The following ADSS2 variants were observed in gnomAD, a reference collection of about 807,000 sequenced individuals.
The protein encoded by ADSS2 is adenylosuccinate synthetase isozyme 2.
ADSS2 carries 30 observed loss-of-function variants against 60.0 expected under a neutral mutation model. That is an observed-to-expected ratio of 0.50 (90% CI 0.37 to 0.68). ADSS2 has a LOEUF of 0.68. ADSS2 is among the 30% of genes least tolerant of loss of function. The pLI is 0.00. For missense variants in ADSS2, 373 were observed against 554.8 expected (o/e 0.67, Z 3.29); for synonymous variants, 187 against 193.1 (o/e 0.97, Z 0.26).
chr1:244,427,133 T>C (rs1237804131), intron 4 of ADSS2, among the ~76,000 whole-genome samples: 2 of 152,290 alleles, frequency 1.3e-5, no homozygotes, highest in Non-Finnish European at 2.9e-5. Flanking sequence ...AACTGAATTA[T>C]GAGATTCAGT....
chr1:244,410,641 CACA>C (rs1572125978), intron 12 of ADSS2, among the ~76,000 whole-genome samples: 2 of 151,796 alleles, frequency 1.3e-5, no homozygotes, highest in South Asian at 2.1e-4. Context: ...CCCAAAAACA[CACA>C]ACATTTTTTG....
At position 244,451,659 on chromosome 1, in the gene ADSS2, G is replaced by T. The variant is rs1347271453; in HGVS notation, c.159C>A (p.Asp53Glu). 8.7e-6 allele frequency: 14 copies of T among 1,610,954 alleles called. No homozygotes were observed. Among genetic ancestry groups the T allele is most frequent in the Non-Finnish European group, 1.2e-5 (14 of 1,178,492 alleles). The change falls in exon 1 of 13, where the codon GAC becomes GAA. Residue 53 changes from aspartate (D) to glutamate (E), a missense_variant. Physicochemically the swap from Asp to Glu is conservative, Grantham distance 45 (BLOSUM62 2). Around this residue, in one of 5 missense-constraint regions of ADSS2, gnomAD observed 29 missense variants for 73.3 expected, o/e 0.40. Transcript: ENST00000366535. The surrounding 1 kb of genome is among the most constrained non-coding windows in gnomAD (Gnocchi z 6.6). ...KGKVVDLLAQ[D>E]ADIVCRCQGG... Reference sequence around the variant, plus strand: ...CCTGGCAGCGGCACACGATGTCGGCGTCCTGCGCCAGCAGGTCCACCACCT... The same window carrying T: ...CCTGGCAGCGGCACACGATGTCGGCTTCCTGCGCCAGCAGGTCCACCACCT...
At chr1:244,440,652 T>A (rs186258477) in intron 1 of ADSS2, among the ~76,000 whole-genome samples, 2 of 152,334 alleles carry the variant, frequency 1.3e-5, no homozygotes, top group African/African-American at 4.8e-5. Flanking sequence ...GAAGCCTTTC[T>A]CATACCCTTG....
intron 11 of ADSS2, among the ~76,000 whole-genome samples, chr1:244,415,418 C>T (rs1392324739): frequency 6.6e-6 from 1 of 152,160 alleles, no homozygotes; most frequent in Admixed American, 6.6e-5. Flanking sequence ...TAGAGCTAAC[C>T]TTAATTCCTA....
upstream of ADSS2, chr1:244,452,041 A>G: frequency 2.6e-6 from 1 of 390,072 alleles, no homozygotes; most frequent in Non-Finnish European, 4.4e-6. Flanking sequence ...CGGCCTCGGC[A>G]GCACCGCCCG....
chr1:244,436,733 G>T, intron 3 of ADSS2, 92 bp downstream of exon 3: 2 of 1,134,296 alleles, frequency 1.8e-6, no homozygotes, highest in Non-Finnish European at 2.6e-6. Flanking sequence ...AAATTTTAAA[G>T]CATAAGACAA....
chr1:244,431,772 T>A (rs1023676706), intron 4 of ADSS2, among the ~76,000 whole-genome samples: 1 of 152,220 alleles, frequency 6.6e-6, no homozygotes, highest in Admixed American at 6.5e-5. Context: ...GTTATTTTAT[T>A]GGGTTACTAA....
intron 3 of ADSS2, 116 bp downstream of exon 3, chr1:244,436,709 T>G (rs1191953663): frequency 3.7e-6 from 3 of 802,840 alleles, no homozygotes; most frequent in African/African-American, 1.7e-5. Flanking sequence ...TAAAAATTCG[T>G]CTATAATAGC....
At chr1:244,427,049 T>A (rs1489905478) in intron 4 of ADSS2, among the ~76,000 whole-genome samples, 1 of 152,114 alleles carries the variant, frequency 6.6e-6, no homozygotes, top group Non-Finnish European at 1.5e-5. Context: ...CTAATCTGGA[T>A]TTCATATTTA....
chr1:244,441,928 C>A (rs1368295383), intron 1 of ADSS2, among the ~76,000 whole-genome samples: 1 of 152,092 alleles, frequency 6.6e-6, no homozygotes, highest in African/African-American at 2.4e-5. Context: ...TGCACTCCAG[C>A]CTGGGCCACA....
intron 1 of ADSS2, among the ~76,000 whole-genome samples, chr1:244,438,976 A>G (rs1665169401): frequency 6.6e-6 from 1 of 152,124 alleles, no homozygotes; most frequent in South Asian, 2.1e-4. Context: ...GTCAAATACT[A>G]GATGTATTTT....
chr1:244,415,930 C>A, intron 11 of ADSS2, 51 bp downstream of exon 11: 1 of 1,332,378 alleles, frequency 7.5e-7, no homozygotes, highest in Non-Finnish European at 1.1e-6. Flanking sequence ...TGAAACTGCT[C>A]TAATACATTC....
chr1:244,436,432 T>C (rs946562499), intron 3 of ADSS2, among the ~76,000 whole-genome samples: 1 of 152,182 alleles, frequency 6.6e-6, no homozygotes, highest in Non-Finnish European at 1.5e-5. Context: ...TACATCTGTG[T>C]AGCATGGGAA....
At chr1:244,419,009 T>C (rs1455414978) in intron 8 of ADSS2, 95 bp from the exon 9 acceptor site, 31 of 1,176,434 alleles carry the variant, frequency 2.6e-5, no homozygotes, top group South Asian at 3.2e-5. Context: ...GAGTATATTA[T>C]AGGTATCTAA....
chr1:244,438,915 G>C (rs79481431), intron 1 of ADSS2, among the ~76,000 whole-genome samples: 1,662 of 152,082 alleles, frequency 0.011, 35 homozygotes, highest in African/African-American at 0.038. Context: ...TAATTATACT[G>C]AGTTATTTAA....
At chr1:244,435,290 G>A (rs1346128293) in intron 3 of ADSS2, among the ~76,000 whole-genome samples, 1 of 146,382 alleles carries the variant, frequency 6.8e-6, no homozygotes, top group Non-Finnish European at 1.5e-5. Context: ...CCTCAATTAT[G>A]TATTACAGGT....
chr1:244,413,498 C>A (rs150568960), intron 11 of ADSS2, among the ~76,000 whole-genome samples: 1 of 152,318 alleles, frequency 6.6e-6, no homozygotes, highest in Non-Finnish European at 1.5e-5. Context: ...TGCCTAGGGA[C>A]CATTTCCTGA....
chr1:244,434,179 CAAAAAAA>C (rs1220140337), intron 3 of ADSS2, among the ~76,000 whole-genome samples: 4 of 59,986 alleles, frequency 6.7e-5, no homozygotes, highest in Non-Finnish European at 1.4e-4. Flanking sequence ...CCCATCTCTA[CAAAAAAA>C]AAAAAAAAAA....
chr1:244,417,737 A>G lies in ADSS2; in HGVS notation c.961T>C (p.Leu321=), dbSNP rs1323529596. 3 of 1,613,532 alleles carry G rather than the reference A, an allele frequency of 1.9e-6. No homozygotes were observed. The highest frequency in any genetic ancestry group is 1.3e-5 in the African/African-American group (1 of 75,030). ...CCAAACTCTCTACCCCTTGTTTGTA[A>G]TAATTCTCCAATTTCCTACAGAACA... ...TEQDNEIGEL[L]QTRGREFGVT... is the part of the protein sequence containing the mutation. Residue 321 remains leucine (L), a synonymous_variant, in exon 10 of 13, where the codon TTA becomes CTA. Coordinates refer to ENST00000366535, the MANE Select transcript of ADSS2 (RefSeq NM_001126.5).
Sources: allele counts gnomAD v4.1 joint callset (sites outside exome capture counted in the v4.1 genomes callset), GRCh38; gene constraint gnomAD v4.1.1; regional missense constraint gnomAD v4.1.1; non-coding constraint Gnocchi (gnomAD v3.1); transcripts MANE v1.5; gene names NCBI Gene and HGNC (gene_info 2026-07-23, HGNC 2026-07-21).